EEFSEC: variants seen among roughly 807,000 people sequenced by gnomAD.
The protein encoded by EEFSEC is selenocysteine-specific elongation factor.
A neutral mutation model predicts 42.1 loss-of-function variants in EEFSEC; 43 were observed. The ratio of observed to expected loss-of-function variants is 1.02; its 90% CI spans 0.80 to 1.32. The LOEUF is 1.32. EEFSEC is among the 40% of genes most tolerant of loss of function. EEFSEC has a pLI of 0.00. For synonymous variants in EEFSEC, 354 were observed against 339.1 expected, an observed-to-expected ratio of 1.04 and a Z score of -0.48; for missense variants, 745 against 803.6, an observed-to-expected ratio of 0.93 and a Z score of 0.88.
At chr3:128,312,029 A>G (rs146951767) in intron 4 of EEFSEC, among the ~76,000 whole-genome samples, 37 of 152,266 alleles carry the variant, frequency 2.4e-4, no homozygotes, top group African/African-American at 7.7e-4. Flanking sequence ...GTGCTCATCA[A>G]TGCTGATTTG....
At position 128,356,461 on chromosome 3, in the gene EEFSEC, A is replaced by G. The variant is rs145690183; in HGVS notation, c.1444-1756A>G. Among the ~76,000 whole-genome samples, 8 of 152,248 alleles carry G rather than the reference A, an allele frequency of 5.3e-5. 1 individual carries two copies. Among genetic ancestry groups the G allele is most frequent in the East Asian group, 3.9e-4 (2 of 5,184 alleles). On this transcript the variant is annotated intron_variant, in intron 5 of 6. Transcript: ENST00000254730. Reference sequence around the variant, plus strand: ...GCCTGGGTGGGGACAGAGGGCTGCAATTGTCACCCTTGCTGGACCAGAAGC... The same window carrying G: ...GCCTGGGTGGGGACAGAGGGCTGCAGTTGTCACCCTTGCTGGACCAGAAGC...
chr3:128,216,763 G>C (rs1297621607), intron 1 of EEFSEC, among the ~76,000 whole-genome samples: 5 of 152,250 alleles, frequency 3.3e-5, no homozygotes, highest in Non-Finnish European at 7.3e-5. Context: ...TTTCTGACTA[G>C]AGCACTCTTG....
intron 1 of EEFSEC, among the ~76,000 whole-genome samples, chr3:128,165,749 C>A (rs984074081): frequency 3.9e-5 from 6 of 152,324 alleles, no homozygotes; most frequent in Non-Finnish European, 7.3e-5. Flanking sequence ...AAAATTAGTG[C>A]TTGAAATTTG....
chr3:128,187,939 G>C (rs2065481219), intron 1 of EEFSEC, among the ~76,000 whole-genome samples: 1 of 152,222 alleles, frequency 6.6e-6, no homozygotes, highest in Admixed American at 6.5e-5. Flanking sequence ...GAAGGCTTGT[G>C]TGATTGGTCA....
chr3:128,380,104 G>C (rs1049796800), intron 6 of EEFSEC, among the ~76,000 whole-genome samples: 1 of 152,160 alleles, frequency 6.6e-6, no homozygotes, highest in African/African-American at 2.4e-5. Flanking sequence ...GCTCTGGCTG[G>C]ACTCTAGGTG....
At chr3:128,163,232 T>C (rs1325149615) in intron 1 of EEFSEC, among the ~76,000 whole-genome samples, 2 of 152,052 alleles carry the variant, frequency 1.3e-5, no homozygotes, top group Non-Finnish European at 2.9e-5. Context: ...GGGTAGAGCC[T>C]GGCACTTCTG....
chr3:128,279,467 A>G (rs1158116582), intron 4 of EEFSEC, among the ~76,000 whole-genome samples: 2 of 152,048 alleles, frequency 1.3e-5, no homozygotes, highest in African/African-American at 4.8e-5. Flanking sequence ...CTGGCGGAGA[A>G]CCAGTGGCCT....
chr3:128,373,143 G>A (rs952458582), intron 6 of EEFSEC, among the ~76,000 whole-genome samples: 3 of 152,328 alleles, frequency 2.0e-5, no homozygotes, highest in Admixed American at 6.5e-5. Context: ...GCACGAGGTC[G>A]CACAGCTGAG....
chr3:128,364,330 G>A (rs2067562819), intron 6 of EEFSEC, among the ~76,000 whole-genome samples: 1 of 152,172 alleles, frequency 6.6e-6, no homozygotes, highest in Non-Finnish European at 1.5e-5. Context: ...TGGGACGTGT[G>A]GCTGGGAATG....
chr3:128,262,126 A>C lies in EEFSEC; in HGVS notation c.525-2A>C. The C allele has an allele frequency of 6.2e-7, 1 of 1,613,862 alleles. No homozygotes were observed. The highest frequency in any genetic ancestry group is 8.5e-7 in the Non-Finnish European group (1 of 1,179,908). ...TGTGATGGGACTTATTTTCCATTTC[A>C]GGTTCCGAGGTGCACCGATTATACC... On this transcript the variant is annotated splice_acceptor_variant, in intron 2 of 6. Transcript: ENST00000254730. LOFTEE classifies it high-confidence loss of function.
chr3:128,400,950 C>T (rs2068041740), intron 6 of EEFSEC, among the ~76,000 whole-genome samples: 1 of 152,192 alleles, frequency 6.6e-6, no homozygotes, highest in Non-Finnish European at 1.5e-5. Context: ...CCATGAGGAG[C>T]AGTGTTGCCC....
chr3:128,198,147 G>A (rs146026082), intron 1 of EEFSEC, among the ~76,000 whole-genome samples: 1 of 152,274 alleles, frequency 6.6e-6, no homozygotes, highest in South Asian at 2.1e-4. Context: ...GTAGGCAAGG[G>A]GGGGATGAAA....
intron 1 of EEFSEC, among the ~76,000 whole-genome samples, chr3:128,220,836 T>G (rs1335558878): frequency 6.6e-6 from 1 of 152,244 alleles, no homozygotes; most frequent in Non-Finnish European, 1.5e-5. Context: ...CTGCCAGTTC[T>G]TATGCTATCC....
At chr3:128,393,729 C>T (rs866906179) in intron 6 of EEFSEC, among the ~76,000 whole-genome samples, 8 of 152,262 alleles carry the variant, frequency 5.3e-5, no homozygotes, top group Admixed American at 3.3e-4. Flanking sequence ...CTGGACAGTA[C>T]TGGGCCAGGG....
chr3:128,283,024 A>C (rs2066544859), intron 4 of EEFSEC, among the ~76,000 whole-genome samples: 1 of 152,198 alleles, frequency 6.6e-6, no homozygotes, highest in Non-Finnish European at 1.5e-5. Flanking sequence ...TCCTGCCAGG[A>C]GGCCTGCAGT....
At chr3:128,219,193 C>T (rs138191188) in intron 1 of EEFSEC, among the ~76,000 whole-genome samples, 4 of 152,374 alleles carry the variant, frequency 2.6e-5, no homozygotes, top group African/African-American at 9.6e-5. Context: ...CCCCAGCCAC[C>T]TCATCTCCCA....
At chr3:128,347,297 G>A (rs2067324249) in intron 5 of EEFSEC, among the ~76,000 whole-genome samples, 1 of 152,120 alleles carries the variant, frequency 6.6e-6, no homozygotes, top group South Asian at 2.1e-4. Flanking sequence ...GCTTGGATTG[G>A]TAGAGACATC....
At chr3:128,198,025 T>C (rs2065604240) in intron 1 of EEFSEC, among the ~76,000 whole-genome samples, 1 of 152,188 alleles carries the variant, frequency 6.6e-6, no homozygotes, top group Non-Finnish European at 1.5e-5. Context: ...CCTTAACCTT[T>C]TGTTTGTGCA....
At chr3:128,301,533 A>T (rs2066768505) in intron 4 of EEFSEC, among the ~76,000 whole-genome samples, 1 of 152,168 alleles carries the variant, frequency 6.6e-6, no homozygotes, top group South Asian at 2.1e-4. Flanking sequence ...GGTTCCCAGG[A>T]GGCCATCAGG....
Sources: allele counts gnomAD v4.1 joint callset (sites outside exome capture counted in the v4.1 genomes callset), GRCh38; gene constraint gnomAD v4.1.1; transcripts MANE v1.5; gene names NCBI Gene and HGNC (gene_info 2026-07-23, HGNC 2026-07-21).